The following PRPF3 variants were observed in gnomAD, a reference collection of about 807,000 sequenced individuals.
The protein encoded by PRPF3 is pre-mRNA processing factor 3.
A neutral mutation model predicts 89.2 loss-of-function variants in PRPF3; 3 were observed. The ratio of observed to expected loss-of-function variants is 0.03; its 90% CI spans 0.02 to 0.09. The LOEUF is 0.09. Ranked by LOEUF, PRPF3 falls within the 10% of genes least tolerant of loss-of-function variation. The pLI is 1.00. For missense variants in PRPF3, 463 were observed against 828.8 expected, an observed-to-expected ratio of 0.56 and a Z score of 5.42; for synonymous variants, 270 against 289.1, an observed-to-expected ratio of 0.93 and a Z score of 0.67.
chr1:150,321,817 G>T (rs1655077275), intron 1 of PRPF3, among the ~76,000 whole-genome samples: 1 of 152,036 alleles, frequency 6.6e-6, no homozygotes, highest in South Asian at 2.1e-4. Context: ...GAGGAGTTTA[G>T]GTAGAACAAG....
In PRPF3 at chr1:150,332,960, C is replaced by G. The variant is rs1553866104; in HGVS notation, c.508-19C>G. On this transcript the variant is annotated intron_variant, in intron 5 of 15. Coordinates refer to ENST00000324862, the MANE Select transcript of PRPF3 (RefSeq NM_004698.4). ...CTGCCTGTCTTAATTCCTCTGATTT[C>G]TTTTTCTCTATCTCACAGCCAAAGA... 6.2e-7 allele frequency: 1 copy of G among 1,601,058 alleles called. No individual in the cohort carries two copies. The highest frequency in any genetic ancestry group is 1.3e-5 in the African/African-American group (1 of 74,722).
rs1657984408 is a variant in PRPF3 at position 150,343,409 on chromosome 1, A to G, written c.1383A>G (p.Gln461=). ...GGAGGGAAGCACAGAAGGAACTACA[A>G]GAAAAAGTCAGGCTGGGCCTGATGC... ...QTRREAQKEL[Q]EKVRLGLMPP... The change falls in exon 10 of 16, where the codon CAA becomes CAG. Residue 461 remains glutamine, a synonymous_variant. Coordinates refer to ENST00000324862, the MANE Select transcript of PRPF3 (RefSeq NM_004698.4). 2 of 1,613,978 alleles carry G rather than the reference A, an allele frequency of 1.2e-6. No individual in the cohort carries two copies. The highest frequency in any genetic ancestry group is 1.7e-5 in the Admixed American group (1 of 59,984).
chr1:150,336,996 T>C (rs2101985457), intron 7 of PRPF3, among the ~76,000 whole-genome samples: 1 of 151,204 alleles, frequency 6.6e-6, no homozygotes, highest in Non-Finnish European at 1.5e-5. Flanking sequence ...TGAATGACCT[T>C]TGCCGCCTTT....
chr1:150,341,000 G>A (rs1451800838), intron 9 of PRPF3, among the ~76,000 whole-genome samples: 2 of 151,598 alleles, frequency 1.3e-5, no homozygotes, highest in Non-Finnish European at 2.9e-5. Context: ...AGCCTCTTGG[G>A]AGGCTGAGGT....
Position 150,352,963 on chromosome 1 carries a change from T to C in PRPF3, c.2036T>C (p.Leu679Ser). The change falls in exon 16 of 16, where the codon TTA becomes TCA. Residue 679 changes from leucine to serine, a missense_variant. Physicochemically the swap from Leu to Ser is moderately radical, Grantham distance 145. Around this residue, in one of 8 missense-constraint regions of PRPF3, gnomAD observed 78 missense variants for 96.6 expected, o/e 0.81. Coordinates refer to ENST00000324862, the MANE Select transcript of PRPF3 (RefSeq NM_004698.4). ...YWDLALSESV[L>S]ESTD ...GACCTTGCGCTGAGTGAATCTGTGT[T>C]AGAGTCCACTGATTGAGACTACTGC... 1 of 1,614,142 alleles carries C rather than the reference T, an allele frequency of 6.2e-7. No homozygotes were observed. The highest frequency in any genetic ancestry group is 2.2e-5 in the East Asian group (1 of 44,878).
At chr1:150,346,593 A>G (rs1411005163) in intron 14 of PRPF3, 102 bp downstream of exon 14, 1 of 1,219,270 alleles carries the variant, frequency 8.2e-7, no homozygotes, top group Admixed American at 1.8e-5. Flanking sequence ...TCTTGATAAC[A>G]CTAGATAGTG....
At chr1:150,349,002 C>T in intron 14 of PRPF3, 155 bp from the exon 15 acceptor site, 1 of 715,268 alleles carries the variant, frequency 1.4e-6, no homozygotes, top group Non-Finnish European at 2.5e-6. Flanking sequence ...AGCTTCAAGT[C>T]TAATTTGGGG....
Position 150,343,316 on chromosome 1 carries a change from TG to T in PRPF3, c.1291del (p.Asp431ThrfsTer38). 6.2e-7 allele frequency: 1 copy of T among 1,610,214 alleles called. No homozygotes were observed. The highest frequency in any genetic ancestry group is 8.5e-7 in the Non-Finnish European group (1 of 1,178,528). ...PAQLNPPVDN[D>X]TPVTLGVYLT... ...AATATCTCTGCCTGACAGTTGACAATGACACACCAGTTACTCTGGGAGTATA... is the reference window on the plus strand; with the variant it reads ...AATATCTCTGCCTGACAGTTGACAATACACACCAGTTACTCTGGGAGTATA... On this transcript the variant is annotated frameshift_variant, in exon 10 of 16. Transcript: ENST00000324862. LOFTEE classifies it high-confidence loss of function.
intron 15 of PRPF3, 130 bp from the exon 16 acceptor site, chr1:150,352,703 T>G: frequency 9.8e-7 from 1 of 1,016,664 alleles, no homozygotes; most frequent in Non-Finnish European, 1.5e-6. Flanking sequence ...AGGTCACAAT[T>G]TTTTTTTAAC....
At chr1:150,350,336 G>T (rs587735165) in intron 15 of PRPF3, among the ~76,000 whole-genome samples, 7 of 152,144 alleles carry the variant, frequency 4.6e-5, no homozygotes, top group Admixed American at 3.9e-4. Flanking sequence ...CGAGTAGCTG[G>T]AATTACAGGC....
chr1:150,338,351 A>C lies in PRPF3; in HGVS notation c.1202+25A>C, dbSNP rs11806171. 134,990 of 1,606,450 alleles carry C rather than the reference A, an allele frequency of 0.084. 6,252 individuals are homozygous for C. Among genetic ancestry groups the C allele is most frequent in the Non-Finnish European group, 0.096 (113,030 of 1,175,702 alleles). ...TGTGAGTTTGTTTTAGTACCTTTTT[A>C]AAAAAACAGTTTTTAATCAGCTGAG... On this transcript the variant is annotated intron_variant, in intron 8 of 15. Transcript: ENST00000324862.
intron 15 of PRPF3, among the ~76,000 whole-genome samples, chr1:150,352,035 C>A (rs1425238664): frequency 6.6e-6 from 1 of 152,120 alleles, no homozygotes; most frequent in African/African-American, 2.4e-5. Flanking sequence ...TTATGACTGC[C>A]ATTGCTGCTG....
In PRPF3 at chr1:150,338,324, T is replaced by C; in HGVS notation, c.1200T>C (p.Asp400=). 2.5e-6 allele frequency: 4 copies of C among 1,613,972 alleles called. No homozygotes were observed. Among genetic ancestry groups the C allele is most frequent in the Non-Finnish European group, 3.4e-6 (4 of 1,179,914 alleles). The change falls in exon 8 of 16, where the codon GAT becomes GAC. Residue 400 remains aspartate (D), a splice_region_variant and synonymous_variant. Coordinates refer to ENST00000324862, the MANE Select transcript of PRPF3 (RefSeq NM_004698.4). ...CTTACATAATCCCCAATGGCTTTGA[T>C]CTGTGAGTTTGTTTTAGTACCTTTT... ...WDSYIIPNGF[D]LTEENPKRED...
chr1:150,335,551 T>C (rs1237907688), intron 7 of PRPF3, among the ~76,000 whole-genome samples: 1 of 152,154 alleles, frequency 6.6e-6, no homozygotes, highest in Admixed American at 6.6e-5. Context: ...CTGCAACCTT[T>C]GCCTCCCAGG....
chr1:150,328,153 G>A lies in PRPF3; in HGVS notation c.277-167G>A, dbSNP rs587682542. ...CTGGATTAGGAGAATGTTGAAGTTG[G>A]GTGAGATGGAGAGTCTAGTAGACCC... is the stretch of plus-strand genomic sequence containing the variant. On this transcript the variant is annotated intron_variant, in intron 3 of 15. Transcript: ENST00000324862. The A allele has an allele frequency of 3.2e-5, 21 of 663,444 alleles. No homozygotes were observed. The African/African-American group carries it at 3.6e-4, about 11-fold the overall frequency. The allele number at this position is 663,444 out of a possible 1,614,324, so 41.1% of individuals were successfully genotyped here.
chr1:150,343,470 C>A lies in PRPF3; in HGVS notation c.1426+18C>A. 2 of 1,612,616 alleles carry A rather than the reference C, an allele frequency of 1.2e-6. No homozygotes were observed. The highest frequency in any genetic ancestry group is 1.7e-6 in the Non-Finnish European group (2 of 1,179,106). On this transcript the variant is annotated intron_variant, in intron 10 of 15. Transcript: ENST00000324862. ...ACCCAAAGGTGCATTTCTCAGTGGCCTCTTCTGTTAAAAAGAGTGGCAAGT... is the reference window on the plus strand; with the variant it reads ...ACCCAAAGGTGCATTTCTCAGTGGCATCTTCTGTTAAAAAGAGTGGCAAGT...
chr1:150,328,627 A>G, intron 4 of PRPF3, 161 bp downstream of exon 4: 1 of 771,482 alleles, frequency 1.3e-6, no homozygotes, highest in East Asian at 2.9e-5. Context: ...ATCTCAGCTC[A>G]CTGCAACCTC....
At chr1:150,322,342 GT>G (rs1384243340) in intron 1 of PRPF3, among the ~76,000 whole-genome samples, 1 of 152,196 alleles carries the variant, frequency 6.6e-6, no homozygotes, top group Non-Finnish European at 1.5e-5. Context: ...GAATTAGGAT[GT>G]AAATATGGCA....
rs1553872875 is a variant in PRPF3, at chr1:150,346,076, C to G, written c.1699C>G (p.Leu567Val). ...KFKIEANAGQ[L>V]YLTGVVVLHK... ...CAAGATTGAAGCCAATGCTGGGCAA[C>G]TGTACCTGACAGGGGTGGTGGTACT... Residue 567 changes from leucine to valine, a missense_variant, in exon 13 of 16, where the codon CTG (leucine) becomes GTG (valine). Physicochemically the swap from Leu to Val is conservative, Grantham distance 32 (BLOSUM62 1). Around this residue, in one of 8 missense-constraint regions of PRPF3, gnomAD observed 261 missense variants for 475.8 expected, o/e 0.55. Transcript: ENST00000324862. 2.5e-6 allele frequency: 4 copies of G among 1,614,100 alleles called. No homozygotes were observed. Among genetic ancestry groups the G allele is most frequent in the Admixed American group, 3.3e-5 (2 of 59,992 alleles).
Sources: gnomAD v4.1 joint callset for allele counts (sites outside exome capture counted in the v4.1 genomes callset) on GRCh38, gnomAD v4.1.1 for gene constraint, gnomAD v4.1.1 regional missense constraint, MANE v1.5 for transcripts, NCBI Gene and HGNC (gene_info 2026-07-23, HGNC 2026-07-21) for gene names.